Variants in ERC2 observed in about 807,000 individuals in gnomAD.
ERC2 encodes the protein ERC protein 2.
In ERC2, 42 loss-of-function variants were observed where a neutral mutation model predicts 114.8. The observed-to-expected ratio is 0.37, with a 90% CI of 0.29 to 0.47. The LOEUF (loss-of-function observed/expected upper bound fraction) is 0.47. Among genes scored for constraint, ERC2 ranks in the 20% least tolerant of loss-of-function variants. The probability of loss-of-function intolerance (pLI) is 0.99; values close to 1 mark genes in which losing one functional copy is unlikely to be tolerated. For missense variants in ERC2, 939 were observed against 1,150.7 expected (o/e 0.82, Z 2.66); for synonymous variants, 454 against 425.5 (o/e 1.07, Z -0.82).
chr3:55,861,350 T>C (rs968320319), intron 14 of ERC2, among the ~76,000 whole-genome samples: 3 of 152,170 alleles, frequency 2.0e-5, no homozygotes, highest in Non-Finnish European at 4.4e-5. Context: ...TGCACATAGC[T>C]CATTGTCACT....
intron 2 of ERC2, among the ~76,000 whole-genome samples, chr3:56,419,420 C>T (rs1040181912): frequency 2.6e-5 from 4 of 152,180 alleles, no homozygotes; most frequent in Admixed American, 2.6e-4. Context: ...ACACCTAATG[C>T]TATGCAAACT....
intron 3 of ERC2, among the ~76,000 whole-genome samples, chr3:56,178,961 G>T (rs763864513): frequency 6.6e-6 from 1 of 151,786 alleles, no homozygotes; most frequent in African/African-American, 2.4e-5. Context: ...TAAAGCAGGG[G>T]TGTCCAATCT....
chr3:56,356,122 T>C (rs1576573219), intron 2 of ERC2, among the ~76,000 whole-genome samples: 1 of 152,214 alleles, frequency 6.6e-6, no homozygotes, highest in Non-Finnish European at 1.5e-5. Context: ...GGCCATTTTA[T>C]ACAATCAGTC....
At chr3:55,620,562 T>G (rs1282554110) in intron 17 of ERC2, among the ~76,000 whole-genome samples, 4 of 152,216 alleles carry the variant, frequency 2.6e-5, no homozygotes, top group Non-Finnish European at 5.9e-5. Flanking sequence ...GTCTGCTTCC[T>G]CTGTGCCCCA....
At chr3:56,026,775 C>T (rs143849360) in intron 7 of ERC2, among the ~76,000 whole-genome samples, 21 of 152,216 alleles carry the variant, frequency 1.4e-4, no homozygotes, top group African/African-American at 4.6e-4. Flanking sequence ...AACCCAACGG[C>T]CTTATTCATA....
At position 55,884,607 on chromosome 3, in the gene ERC2, C is replaced by T. The variant is rs556258097; in HGVS notation, c.2564+3782G>A. On this transcript the variant is annotated intron_variant, in intron 14 of 17. Coordinates refer to ENST00000288221, the MANE Select transcript of ERC2 (RefSeq NM_015576.3). The stretch of plus-strand genomic sequence containing the variant: ...TCAGTTCAATATAATGACAAATGAG[C>T]TACCTGTAAGAGCCATGGAACATGA... Among the ~76,000 whole-genome samples the T allele has an allele frequency of 2.6e-5, 4 of 152,138 alleles. No homozygotes were observed. The South Asian group carries it at 8.3e-4, about 32-fold the overall frequency.
intron 17 of ERC2, among the ~76,000 whole-genome samples, chr3:55,612,506 C>A (rs1261487015): frequency 6.6e-6 from 1 of 152,146 alleles, no homozygotes; most frequent in Non-Finnish European, 1.5e-5. Context: ...CCAGAGATGT[C>A]ATTCCTTATT....
intron 7 of ERC2, among the ~76,000 whole-genome samples, chr3:56,053,220 G>A (rs77841896): frequency 1.7e-3 from 265 of 152,260 alleles, no homozygotes; most frequent in Admixed American, 5.0e-3. Context: ...AGTGGTAAGA[G>A]GAGAAGTTAA....
At chr3:55,735,870 G>A (rs1471980397) in intron 14 of ERC2, among the ~76,000 whole-genome samples, 2 of 152,060 alleles carry the variant, frequency 1.3e-5, no homozygotes, top group African/African-American at 4.8e-5. Flanking sequence ...CACCAAAAAC[G>A]ATTACTTCCT....
At chr3:55,906,378 G>A (rs2149354666) in intron 13 of ERC2, among the ~76,000 whole-genome samples, 1 of 143,814 alleles carries the variant, frequency 7.0e-6, no homozygotes, top group African/African-American at 2.6e-5. Flanking sequence ...CTTGCAGTGA[G>A]CCGAGATCGC....
chr3:55,999,675 CT>C (rs1381656394), intron 10 of ERC2, among the ~76,000 whole-genome samples: 1 of 151,502 alleles, frequency 6.6e-6, no homozygotes, highest in African/African-American at 2.4e-5. Context: ...ATGCTTAAGA[CT>C]ATCTTTAAGA....
At chr3:55,892,413 C>T (rs2063653416) in intron 13 of ERC2, among the ~76,000 whole-genome samples, 1 of 152,006 alleles carries the variant, frequency 6.6e-6, no homozygotes, top group Admixed American at 6.6e-5. Flanking sequence ...TCCCAGCTAC[C>T]CTGGGGGGCT....
At chr3:56,087,673 G>A (rs1227737149) in intron 6 of ERC2, among the ~76,000 whole-genome samples, 3 of 152,076 alleles carry the variant, frequency 2.0e-5, no homozygotes, top group African/African-American at 7.2e-5. Flanking sequence ...GCTTGACAAC[G>A]CTTCAAGAAT....
intron 16 of ERC2, among the ~76,000 whole-genome samples, chr3:55,697,665 G>A (rs1357587816): frequency 6.6e-6 from 1 of 152,066 alleles, no homozygotes; most frequent in African/African-American, 2.4e-5. Flanking sequence ...GAGACAAGCT[G>A]GTTTGTTATC....
chr3:55,729,611 G>A (rs2065120191), intron 15 of ERC2, among the ~76,000 whole-genome samples: 1 of 152,016 alleles, frequency 6.6e-6, no homozygotes, highest in Non-Finnish European at 1.5e-5. Flanking sequence ...GCCAAGGTGG[G>A]AGGATTGCTT....
chr3:56,109,553 G>T (rs1244142746), intron 6 of ERC2, among the ~76,000 whole-genome samples: 1 of 152,062 alleles, frequency 6.6e-6, no homozygotes, highest in Non-Finnish European at 1.5e-5. Context: ...TCCAAATAAA[G>T]TTAAACTGGT....
intron 14 of ERC2, among the ~76,000 whole-genome samples, chr3:55,866,304 T>C (rs1426187488): frequency 6.6e-6 from 1 of 152,182 alleles, no homozygotes; most frequent in Non-Finnish European, 1.5e-5. Flanking sequence ...AATAAGGTTA[T>C]TTGAGTTTTT....
intron 5 of ERC2, among the ~76,000 whole-genome samples, chr3:56,140,562 C>T (rs1385512994): frequency 6.6e-6 from 1 of 152,132 alleles, no homozygotes; most frequent in Non-Finnish European, 1.5e-5. Flanking sequence ...AATTTATCTG[C>T]CCACTCTGCT....
At chr3:56,058,588 TTTAA>T (rs1373769084) in intron 7 of ERC2, among the ~76,000 whole-genome samples, 4 of 152,232 alleles carry the variant, frequency 2.6e-5, no homozygotes, top group African/African-American at 7.2e-5. Flanking sequence ...GTCAGTGGAC[TTTAA>T]GTAAGCAGAT....
Sources: gnomAD v4.1 joint callset for allele counts (sites outside exome capture counted in the v4.1 genomes callset) on GRCh38, gnomAD v4.1.1 for gene constraint, MANE v1.5 for transcripts, NCBI Gene and HGNC (gene_info 2026-07-23, HGNC 2026-07-21) for gene names.